Variants in LINGO2 observed in about 807,000 individuals in gnomAD.
LINGO2 encodes leucine-rich repeat and immunoglobulin-like domain-containing nogo receptor-interacting protein 2.
Under a neutral mutation model 30.6 loss-of-function variants are expected in LINGO2, and 14 were observed. The observed-to-expected ratio is 0.46, with a 90% CI of 0.30 to 0.72. The LOEUF (loss-of-function observed/expected upper bound fraction) is 0.72. Among genes scored for constraint, LINGO2 ranks in the 30% least tolerant of loss-of-function variants. The probability of loss-of-function intolerance (pLI) is 0.07; values close to 1 mark genes in which losing one functional copy is unlikely to be tolerated. For missense variants in LINGO2, 729 were observed against 751.7 expected (o/e 0.97, Z 0.35); for synonymous variants, 317 against 288.5 (o/e 1.10, Z -1.00).
chr9:29,040,311 A>G, the LINGO2 span, among the ~76,000 whole-genome samples: 3 of 152,122 alleles, frequency 2.0e-5, no homozygotes, highest in African/African-American at 7.2e-5. Flanking sequence ...TTTATAATAC[A>G]TATAATTAAC....
chr9:28,271,316 TTTAAATTAG>T (rs1822932695), intron 4 of LINGO2, among the ~76,000 whole-genome samples: 1 of 152,176 alleles, frequency 6.6e-6, no homozygotes, highest in African/African-American at 2.4e-5. Flanking sequence ...AGACATTAGC[TTTAAATTAG>T]TTAACATAAT....
At chr9:29,008,450 G>A in the LINGO2 span, among the ~76,000 whole-genome samples, 1 of 152,240 alleles carries the variant, frequency 6.6e-6, no homozygotes. Flanking sequence ...CCAGTAATGG[G>A]ATGGCTGGGT....
At chr9:28,956,255 T>G in the LINGO2 span, among the ~76,000 whole-genome samples, 1 of 152,008 alleles carries the variant, frequency 6.6e-6, no homozygotes, top group East Asian at 1.9e-4. Flanking sequence ...AAAAGCTGTA[T>G]GTAATCTTAG....
At chr9:28,946,385 T>C in the LINGO2 span, among the ~76,000 whole-genome samples, 1 of 152,160 alleles carries the variant, frequency 6.6e-6, no homozygotes, top group Non-Finnish European at 1.5e-5. Context: ...GGAGCTTCTG[T>C]AAAATTTTTT....
chr9:29,045,926 T>C, the LINGO2 span, among the ~76,000 whole-genome samples: 1 of 152,198 alleles, frequency 6.6e-6, no homozygotes, highest in Admixed American at 6.5e-5. Context: ...ATTGTGTTTC[T>C]GATTTGGCTC....
At chr9:28,442,601 T>C (rs1416770708) in intron 2 of LINGO2, among the ~76,000 whole-genome samples, 1 of 152,142 alleles carries the variant, frequency 6.6e-6, no homozygotes, top group Admixed American at 6.6e-5. Context: ...CAAAGGAACA[T>C]ATACTTCCAT....
the LINGO2 span, among the ~76,000 whole-genome samples, chr9:29,150,020 G>C: frequency 6.6e-6 from 1 of 152,144 alleles, no homozygotes; most frequent in South Asian, 2.1e-4. Flanking sequence ...TGGTAAAGGG[G>C]TTGTATCTCC....
intron 4 of LINGO2, among the ~76,000 whole-genome samples, chr9:28,136,294 G>A (rs1387562893): frequency 6.6e-6 from 1 of 152,178 alleles, no homozygotes; most frequent in East Asian, 1.9e-4. Context: ...GCATGAATTA[G>A]AAAAAGGCAT....
intron 1 of LINGO2, among the ~76,000 whole-genome samples, chr9:28,544,429 TA>T (rs1348922415): frequency 1.3e-5 from 2 of 152,068 alleles, no homozygotes; most frequent in African/African-American, 4.8e-5. Flanking sequence ...CTGGCCTTTG[TA>T]ACCCACACTG....
chr9:28,296,477 T>G (rs924060895), intron 3 of LINGO2, among the ~76,000 whole-genome samples: 30 of 152,216 alleles, frequency 2.0e-4, no homozygotes, highest in African/African-American at 6.7e-4. Flanking sequence ...TGGACACAGG[T>G]GCAAAAACTG....
chr9:28,744,431 AAAAC>A, the LINGO2 span, among the ~76,000 whole-genome samples: 13 of 152,030 alleles, frequency 8.6e-5, no homozygotes, highest in African/African-American at 2.7e-4. Context: ...GTTTTTGTTC[AAAAC>A]AAACTTGCAT....
intron 1 of LINGO2, among the ~76,000 whole-genome samples, chr9:28,650,284 A>T (rs62548017): frequency 0.061 from 9,242 of 152,136 alleles, 477 homozygotes; most frequent in Admixed American, 0.18. Context: ...TCTCTTTCCT[A>T]ACCTAAGAAA....
chr9:29,027,149 A>G, the LINGO2 span, among the ~76,000 whole-genome samples: 4 of 152,178 alleles, frequency 2.6e-5, no homozygotes, highest in African/African-American at 9.6e-5. Flanking sequence ...ACAACACAGG[A>G]TAAATAAAAT....
At chr9:28,449,394 A>C (rs1824559651) in intron 2 of LINGO2, among the ~76,000 whole-genome samples, 1 of 152,096 alleles carries the variant, frequency 6.6e-6, no homozygotes, top group Non-Finnish European at 1.5e-5. Context: ...TTTTTTAAAA[A>C]AAGTGATTAT....
the LINGO2 span, among the ~76,000 whole-genome samples, chr9:28,880,738 T>C: frequency 7.2e-5 from 11 of 152,266 alleles, no homozygotes; most frequent in Non-Finnish European, 1.5e-4. Context: ...GGGAACTGAA[T>C]GTCTTGGTAT....
At chr9:29,091,291 C>T in the LINGO2 span, among the ~76,000 whole-genome samples, 10 of 151,810 alleles carry the variant, frequency 6.6e-5, no homozygotes, top group African/African-American at 2.4e-4. Flanking sequence ...CCAATGGACC[C>T]CCATGGAAAC....
chr9:28,860,638 C>A, the LINGO2 span, among the ~76,000 whole-genome samples: 1 of 149,506 alleles, frequency 6.7e-6, no homozygotes. Flanking sequence ...TATAAAGATG[C>A]ATATATATAA....
chr9:28,543,075 C>G (rs566444950), intron 1 of LINGO2, among the ~76,000 whole-genome samples: 1 of 152,006 alleles, frequency 6.6e-6, no homozygotes. Context: ...GCAGGCATTT[C>G]TAAAACACAA....
At chr9:29,135,823 T>A in the LINGO2 span, among the ~76,000 whole-genome samples, 1 of 152,108 alleles carries the variant, frequency 6.6e-6, no homozygotes, top group Admixed American at 6.5e-5. Context: ...TGCTTTCTGT[T>A]TCTGTTAATT....
Sources: allele counts gnomAD v4.1 joint callset (sites outside exome capture counted in the v4.1 genomes callset), GRCh38; gene constraint gnomAD v4.1.1; transcripts MANE v1.5; gene names NCBI Gene and HGNC (gene_info 2026-07-23, HGNC 2026-07-21).